USP26: variants seen among roughly 807,000 people sequenced by gnomAD.
USP26 encodes the protein ubiquitin carboxyl-terminal hydrolase 26.
For missense variants in USP26, 649 were observed against 642.3 expected (o/e 1.01, Z -0.11); for synonymous variants, 236 against 240.6 (o/e 0.98, Z 0.18).
intron 5 of USP26, among the ~76,000 whole-genome samples, chrX:133,061,570 G>A (rs921375215): frequency 3.6e-5 from 4 of 112,351 alleles, no homozygotes; most frequent in Non-Finnish European, 5.6e-5. Flanking sequence ...CGCAGAAGGC[G>A]GGTGATTTCT....
intron 5 of USP26, among the ~76,000 whole-genome samples, chrX:133,073,529 C>A (rs767005496): frequency 1.4e-4 from 15 of 110,370 alleles, no homozygotes; most frequent in Non-Finnish European, 2.8e-4. Flanking sequence ...TCAAAGGTAG[C>A]GCTTACTACT....
intron 5 of USP26, among the ~76,000 whole-genome samples, chrX:133,068,991 C>T (rs894722409): frequency 1.8e-5 from 2 of 111,814 alleles, no homozygotes; most frequent in Admixed American, 9.5e-5. Flanking sequence ...GAGACTCCTA[C>T]GCAAGTAACA....
chrX:133,039,741 A>T (rs746636056), intron 5 of USP26, among the ~76,000 whole-genome samples: 3 of 111,473 alleles, frequency 2.7e-5, no homozygotes, highest in Admixed American at 9.5e-5. Flanking sequence ...AGTCCTAAAT[A>T]TCCTTGTTAA....
At chrX:133,038,006 A>G (rs1411017420) in intron 5 of USP26, among the ~76,000 whole-genome samples, 2 of 111,419 alleles carry the variant, frequency 1.8e-5, no homozygotes, top group African/African-American at 6.5e-5. Context: ...TGATTTTAGC[A>G]CATTCATTTT....
chrX:133,075,683 A>G (rs1333853221), intron 5 of USP26, among the ~76,000 whole-genome samples: 1 of 111,675 alleles, frequency 9.0e-6, no homozygotes, highest in Non-Finnish European at 1.9e-5. Context: ...GGAGGAGGTA[A>G]AAAATAAGAA....
chrX:133,071,404 T>A (rs2067529981), intron 5 of USP26, among the ~76,000 whole-genome samples: 1 of 110,417 alleles, frequency 9.1e-6, no homozygotes, highest in African/African-American at 3.3e-5. Flanking sequence ...ACACTTTAAA[T>A]CTGATTTATT....
intron 5 of USP26, among the ~76,000 whole-genome samples, chrX:133,048,112 T>A (rs2067446676): frequency 9.0e-6 from 1 of 111,687 alleles, no homozygotes. Context: ...CTCAATATCC[T>A]GGCATTGCCT....
chrX:133,052,176 C>T (rs1053488635), intron 5 of USP26, among the ~76,000 whole-genome samples: 1 of 111,966 alleles, frequency 8.9e-6, no homozygotes, highest in Non-Finnish European at 1.9e-5. Context: ...TCCAAAGTCA[C>T]GAGAATGTGG....
chrX:133,051,566 G>A (rs890289232), intron 5 of USP26, among the ~76,000 whole-genome samples: 1 of 111,987 alleles, frequency 8.9e-6, no homozygotes, highest in African/African-American at 3.2e-5. Flanking sequence ...AAGTTGAGAA[G>A]AAAAGTCATT....
intron 5 of USP26, among the ~76,000 whole-genome samples, chrX:133,033,383 C>T: frequency 8.9e-6 from 1 of 112,294 alleles, no homozygotes; most frequent in East Asian, 2.8e-4. Flanking sequence ...ACATAAATCT[C>T]TCCATAGGAG....
At chrX:133,075,641 C>T (rs759680125) in intron 5 of USP26, among the ~76,000 whole-genome samples, 32 of 109,783 alleles carry the variant, frequency 2.9e-4, no homozygotes, top group Non-Finnish European at 5.9e-4. Context: ...ATTTGGCATG[C>T]AAATGGAACA....
intron 5 of USP26, among the ~76,000 whole-genome samples, chrX:133,031,201 A>G (rs2067375137): frequency 8.9e-6 from 1 of 112,171 alleles, no homozygotes; most frequent in Non-Finnish European, 1.9e-5. Flanking sequence ...AGTACCCATG[A>G]GGTGGTGTGC....
intron 5 of USP26, among the ~76,000 whole-genome samples, chrX:133,070,779 A>T (rs1037810949): frequency 8.9e-6 from 1 of 111,969 alleles, no homozygotes; most frequent in Non-Finnish European, 1.9e-5. Flanking sequence ...GAGTATAAAG[A>T]TATTTTCAAT....
At chrX:133,064,857 A>G (rs1332570794) in intron 5 of USP26, among the ~76,000 whole-genome samples, 3 of 111,805 alleles carry the variant, frequency 2.7e-5, no homozygotes, top group Non-Finnish European at 5.6e-5. Flanking sequence ...ATCTAGCAGA[A>G]GACAGGAAAT....
At chrX:133,077,092 G>A (rs370927432) in intron 5 of USP26, among the ~76,000 whole-genome samples, 1 of 111,544 alleles carries the variant, frequency 9.0e-6, no homozygotes, top group Admixed American at 9.5e-5. Flanking sequence ...ATTAACAAAC[G>A]AATACACAAG....
In USP26 at chrX:133,027,553, T is replaced by C; in HGVS notation, c.668A>G (p.Lys223Arg). The C allele has an allele frequency of 8.3e-7, 1 of 1,209,220 alleles. No homozygotes were observed. The highest frequency in any genetic ancestry group is 1.1e-6 in the Non-Finnish European group (1 of 893,611). Residue 223 changes from lysine (K) to arginine (R), a missense_variant, in exon 6 of 6, where the codon AAG becomes AGG. Physicochemically the swap from Lys to Arg is conservative, Grantham distance 26. Coordinates refer to ENST00000511190, the MANE Select transcript of USP26 (RefSeq NM_031907.3). ...CVSYNREKQL[K>R]LKELEENKKL... ...CTTATTCTCTTCTAACTCTTTTAAC[T>C]TCAATTGTTTCTCTCGATTATAGCT...
At chrX:133,073,958 T>A (rs1401221507) in intron 5 of USP26, among the ~76,000 whole-genome samples, 1 of 110,791 alleles carries the variant, frequency 9.0e-6, no homozygotes, top group Non-Finnish European at 1.9e-5. Context: ...CATTCCTCCA[T>A]CTGAAAAAAA....
intron 5 of USP26, among the ~76,000 whole-genome samples, chrX:133,033,397 C>T (rs1012050638): frequency 1.8e-5 from 2 of 112,218 alleles, no homozygotes; most frequent in Non-Finnish European, 3.8e-5. Context: ...ATAGGAGGCC[C>T]TGACCAAAAT....
chrX:133,048,905 T>C (rs764495321), intron 5 of USP26, among the ~76,000 whole-genome samples: 4 of 111,710 alleles, frequency 3.6e-5, no homozygotes, highest in Non-Finnish European at 5.6e-5. Context: ...CCCTTGGAAT[T>C]TGGTGAGCCA....
Sources: allele counts gnomAD v4.1 joint callset (sites outside exome capture counted in the v4.1 genomes callset), GRCh38; gene constraint gnomAD v4.1.1; transcripts MANE v1.5; gene names NCBI Gene and HGNC (gene_info 2026-07-23, HGNC 2026-07-21).